CDH13: variants seen among roughly 807,000 people sequenced by gnomAD.
The protein encoded by CDH13 is cadherin-13.
A neutral mutation model predicts 63.8 loss-of-function variants in CDH13; 24 were observed. The observed-to-expected ratio is 0.38, with a 90% CI of 0.27 to 0.53. The LOEUF (loss-of-function observed/expected upper bound fraction) is 0.53. CDH13 is among the 20% of genes least tolerant of loss of function. The probability of loss-of-function intolerance (pLI) is 0.85; values close to 1 mark genes in which losing one functional copy is unlikely to be tolerated. For missense variants in CDH13, 1,049 were observed against 903.1 expected (o/e 1.16, Z -2.07); for synonymous variants, 503 against 355.3 (o/e 1.42, Z -4.67).
At chr16:83,748,335 A>C in intron 11 of CDH13, 85 bp downstream of exon 11, 3 of 1,266,368 alleles carry the variant, frequency 2.4e-6, no homozygotes, top group African/African-American at 1.5e-5. Context: ...TGATACACCC[A>C]GGGGTGTTCT....
chr16:82,816,073 C>G (rs927484137), intron 1 of CDH13, among the ~76,000 whole-genome samples: 3 of 152,040 alleles, frequency 2.0e-5, no homozygotes, highest in Non-Finnish European at 2.9e-5. Context: ...TTTGGTGAAG[C>G]GAAGGGTGTA....
At chr16:83,715,000 C>A (rs1908669149) in intron 10 of CDH13, among the ~76,000 whole-genome samples, 1 of 152,158 alleles carries the variant, frequency 6.6e-6, no homozygotes, top group African/African-American at 2.4e-5. Flanking sequence ...ATTTGCTGAG[C>A]AAGGACTTTC....
At chr16:83,240,969 A>T (rs1017721341) in intron 5 of CDH13, among the ~76,000 whole-genome samples, 3 of 152,132 alleles carry the variant, frequency 2.0e-5, no homozygotes, top group Non-Finnish European at 1.5e-5. Flanking sequence ...CTTTATACCC[A>T]TTAAACACTA....
intron 2 of CDH13, among the ~76,000 whole-genome samples, chr16:82,936,740 T>G (rs2042679472): frequency 6.6e-6 from 1 of 152,176 alleles, no homozygotes; most frequent in African/African-American, 2.4e-5. Flanking sequence ...GGACGAGCAC[T>G]GTGAGAATAG....
chr16:83,095,866 G>T (rs55789903), intron 3 of CDH13, among the ~76,000 whole-genome samples: 45,328 of 152,110 alleles, frequency 0.3, 7,370 homozygotes, highest in East Asian at 0.63. Flanking sequence ...TGAATAAAAT[G>T]CACTGAGAGA....
At position 82,723,717 on chromosome 16, in the gene CDH13, A is replaced by T. The variant is rs529772358; in HGVS notation, c.45+96580A>T. Among the ~76,000 whole-genome samples, 3 of 152,268 alleles carry T rather than the reference A, an allele frequency of 2.0e-5. No individual in the cohort carries two copies. In the East Asian group the frequency reaches 5.8e-4, roughly 29 times the overall value. On this transcript the variant is annotated intron_variant, in intron 1 of 13. Transcript: ENST00000567109. ...TGAAAGATAAATCTTTACAATGTTCACTTGTTGAAATTTTGGAGTTATTTT... is the reference window on the plus strand; with the variant it reads ...TGAAAGATAAATCTTTACAATGTTCTCTTGTTGAAATTTTGGAGTTATTTT...
chr16:82,751,619 A>G (rs145415668), intron 1 of CDH13, among the ~76,000 whole-genome samples: 1 of 152,082 alleles, frequency 6.6e-6, no homozygotes, highest in Non-Finnish European at 1.5e-5. Flanking sequence ...TATCCTTCAT[A>G]TATTCCATGC....
At chr16:82,795,164 C>A (rs537694292) in intron 1 of CDH13, among the ~76,000 whole-genome samples, 5 of 152,166 alleles carry the variant, frequency 3.3e-5, no homozygotes, top group Admixed American at 1.3e-4. Context: ...CAGGTGTTGG[C>A]ATGGAAGTTT....
In CDH13 at chr16:83,065,652, C is replaced by T. The variant is rs111469796; in HGVS notation, c.366+33434C>T. Among the ~76,000 whole-genome samples the T allele has an allele frequency of 4.0e-5, 6 of 150,558 alleles. No homozygotes were observed. In the East Asian group the frequency reaches 1.2e-3, roughly 30 times the overall value. ...CCCAGGGGGCAGAGGTTGCAGTGAG[C>T]CAAGATCGTGCCACTGCATTCTAGC... On this transcript the variant is annotated intron_variant, in intron 3 of 13. Coordinates refer to ENST00000567109, the MANE Select transcript of CDH13 (RefSeq NM_001257.5).
At chr16:83,026,499 G>T (rs551891819) in intron 2 of CDH13, among the ~76,000 whole-genome samples, 1 of 152,090 alleles carries the variant, frequency 6.6e-6, no homozygotes, top group African/African-American at 2.4e-5. Context: ...AGGGTGGGGG[G>T]ACAAAAATTG....
In CDH13 at chr16:82,676,588, C is replaced by G. The variant is rs368625781; in HGVS notation, c.45+49451C>G. Among the ~76,000 whole-genome samples the G allele has an allele frequency of 6.9e-4, 104 of 151,166 alleles. 3 individuals carry two copies. The South Asian group carries it at 0.021, about 30-fold the overall frequency. Reference sequence around the variant, plus strand: ...CTTCCAATCTTTCTCTTCTCCCCAACCAGAATGATTCTTTGAAAGCTTCAG... The same window carrying G: ...CTTCCAATCTTTCTCTTCTCCCCAAGCAGAATGATTCTTTGAAAGCTTCAG... On this transcript the variant is annotated intron_variant, in intron 1 of 13. Transcript: ENST00000567109.
intron 8 of CDH13, among the ~76,000 whole-genome samples, chr16:83,603,183 A>G (rs1486813129): frequency 2.0e-5 from 3 of 152,202 alleles, no homozygotes; most frequent in African/African-American, 2.4e-5. Flanking sequence ...GATCACATTC[A>G]GTTGCTAAAT....
intron 8 of CDH13, among the ~76,000 whole-genome samples, chr16:83,663,962 C>A (rs1913690459): frequency 6.6e-6 from 1 of 151,262 alleles, no homozygotes; most frequent in Non-Finnish European, 1.5e-5. Context: ...GAGTTTGAGA[C>A]CAGCCTGGGC....
At chr16:83,060,313 G>C (rs528160394) in intron 3 of CDH13, among the ~76,000 whole-genome samples, 1 of 152,110 alleles carries the variant, frequency 6.6e-6, no homozygotes, top group Non-Finnish European at 1.5e-5. Context: ...GAAAAATTGT[G>C]GATGTTGATA....
chr16:83,515,619 G>C (rs1333660800), intron 7 of CDH13, among the ~76,000 whole-genome samples: 1 of 152,144 alleles, frequency 6.6e-6, no homozygotes, highest in East Asian at 1.9e-4. Flanking sequence ...AAAAAGCAGT[G>C]TAAAATTTCT....
chr16:83,383,196 A>C (rs2091602764), intron 6 of CDH13: 1 of 152,130 alleles, frequency 6.6e-6, no homozygotes, highest in African/African-American at 2.4e-5. Flanking sequence ...TTCAGGTCAT[A>C]CGTTCTGGGG....
intron 6 of CDH13, among the ~76,000 whole-genome samples, chr16:83,394,508 A>T (rs979369196): frequency 6.6e-6 from 1 of 152,170 alleles, no homozygotes; most frequent in Non-Finnish European, 1.5e-5. Context: ...GATGAAATAA[A>T]GTGAGAAGGG....
rs769473371 is a variant in CDH13 at position 82,644,434 on chromosome 16, C to G, written c.45+17297C>G. Reference sequence around the variant, plus strand: ...GAACGTACTCCTGTCTGCCCTCACTCGTGGGTTGATGATTTCTATCCTTTG... The same window carrying G: ...GAACGTACTCCTGTCTGCCCTCACTGGTGGGTTGATGATTTCTATCCTTTG... On this transcript the variant is annotated intron_variant, in intron 1 of 13. Transcript: ENST00000567109. This position sits in a 1 kb window ranked among gnomAD's most constrained non-coding sequence, Gnocchi z 5.7. Among the ~76,000 whole-genome samples the G allele has an allele frequency of 6.6e-6, 1 of 152,100 alleles. No homozygotes were observed.
intron 5 of CDH13, among the ~76,000 whole-genome samples, chr16:83,318,935 A>G (rs916548464): frequency 6.6e-6 from 1 of 151,996 alleles, no homozygotes; most frequent in African/African-American, 2.4e-5. Context: ...TCACAGGAGT[A>G]AAAAACAAAA....
Sources: allele counts gnomAD v4.1 joint callset (sites outside exome capture counted in the v4.1 genomes callset), GRCh38; gene constraint gnomAD v4.1.1; non-coding constraint Gnocchi (gnomAD v3.1); transcripts MANE v1.5; gene names NCBI Gene and HGNC (gene_info 2026-07-23, HGNC 2026-07-21).